The following SCHIP1 variants were observed in gnomAD, a reference collection of about 807,000 sequenced individuals.
SCHIP1 encodes the protein schwannomin interacting protein 1, also known as schwannomin-interacting protein 1.
SCHIP1 carries 8 observed loss-of-function variants against 29.7 expected under a neutral mutation model. The observed-to-expected ratio is 0.27, with a 90% CI of 0.16 to 0.49. The LOEUF (loss-of-function observed/expected upper bound fraction) is 0.49, where lower values mean the gene tolerates loss of function less well. Among genes scored for constraint, SCHIP1 ranks in the 20% least tolerant of loss-of-function variants. The pLI, the probability that SCHIP1 is intolerant of heterozygous loss-of-function variation, is 0.99. For missense variants in SCHIP1, 193 were observed against 294.6 expected, an observed-to-expected ratio of 0.66 and a Z score of 2.52; for synonymous variants, 76 against 94.9, an observed-to-expected ratio of 0.80 and a Z score of 1.16.
the SCHIP1 span, among the ~76,000 whole-genome samples, chr3:159,449,373 G>A: frequency 4.5e-4 from 68 of 152,204 alleles, no homozygotes; most frequent in Non-Finnish European, 7.8e-4. Flanking sequence ...AAGGAATAGC[G>A]TATTTTCTTG....
At chr3:159,626,775 G>C in the SCHIP1 span, among the ~76,000 whole-genome samples, 2 of 152,094 alleles carry the variant, frequency 1.3e-5, no homozygotes, top group Non-Finnish European at 2.9e-5. Context: ...TGAAGAAGCT[G>C]GTCTCCTAGA....
chr3:159,394,614 C>T, the SCHIP1 span, among the ~76,000 whole-genome samples: 11 of 151,962 alleles, frequency 7.2e-5, no homozygotes, highest in African/African-American at 2.2e-4. Context: ...TGCTGGATTA[C>T]ATTTATTGAT....
the SCHIP1 span, among the ~76,000 whole-genome samples, chr3:159,420,361 TG>T: frequency 3.3e-5 from 5 of 152,038 alleles, no homozygotes; most frequent in South Asian, 1.0e-3. Flanking sequence ...AATGGAGCAG[TG>T]GGGAAAATAC....
chr3:159,402,509 T>C, the SCHIP1 span, among the ~76,000 whole-genome samples: 10 of 152,160 alleles, frequency 6.6e-5, no homozygotes, highest in African/African-American at 2.4e-4. Context: ...TTATTCACAA[T>C]AGCAAAGACT....
the SCHIP1 span, among the ~76,000 whole-genome samples, chr3:159,803,656 C>T: frequency 7.9e-5 from 12 of 152,176 alleles, no homozygotes; most frequent in African/African-American, 2.9e-4. Context: ...ACAGACCCTG[C>T]ATGTGGGGGT....
the SCHIP1 span, among the ~76,000 whole-genome samples, chr3:159,326,035 C>T: frequency 6.6e-6 from 1 of 152,060 alleles, no homozygotes; most frequent in Non-Finnish European, 1.5e-5. Flanking sequence ...AATTCCTTTA[C>T]TCATCATAGT....
At chr3:159,719,363 A>G in the SCHIP1 span, among the ~76,000 whole-genome samples, 1 of 152,240 alleles carries the variant, frequency 6.6e-6, no homozygotes, top group Non-Finnish European at 1.5e-5. Context: ...CAATGGCAAC[A>G]GTAGCCAAAA....
the SCHIP1 span, among the ~76,000 whole-genome samples, chr3:159,518,440 T>A: frequency 6.6e-6 from 1 of 152,170 alleles, no homozygotes; most frequent in Non-Finnish European, 1.5e-5. Flanking sequence ...TAATAAAATA[T>A]ATTTTTCACT....
chr3:159,578,782 G>A, the SCHIP1 span, among the ~76,000 whole-genome samples: 1 of 151,842 alleles, frequency 6.6e-6, no homozygotes, highest in African/African-American at 2.4e-5. Context: ...TTCTATTATA[G>A]TATCTCCTTC....
the SCHIP1 span, among the ~76,000 whole-genome samples, chr3:159,718,065 G>T: frequency 6.6e-6 from 1 of 152,198 alleles, no homozygotes; most frequent in Non-Finnish European, 1.5e-5. Flanking sequence ...GGGATGCAAG[G>T]CTGGTTCAAG....
chr3:159,540,555 C>G, the SCHIP1 span, among the ~76,000 whole-genome samples: 3 of 152,054 alleles, frequency 2.0e-5, no homozygotes, highest in Non-Finnish European at 4.4e-5. Context: ...ACACAGATAG[C>G]CTTCAAGTAA....
the SCHIP1 span, among the ~76,000 whole-genome samples, chr3:159,614,035 G>A: frequency 1.6e-4 from 24 of 152,162 alleles, no homozygotes; most frequent in African/African-American, 5.6e-4. Flanking sequence ...TATGGGGTAG[G>A]TGCCATTATT....
chr3:159,299,395 C>A, the SCHIP1 span, among the ~76,000 whole-genome samples: 1 of 152,076 alleles, frequency 6.6e-6, no homozygotes, highest in African/African-American at 2.4e-5. Context: ...ATGGAATTTA[C>A]GACAGACCCA....
the SCHIP1 span, among the ~76,000 whole-genome samples, chr3:159,669,977 T>G: frequency 6.6e-6 from 1 of 152,182 alleles, no homozygotes; most frequent in Non-Finnish European, 1.5e-5. Flanking sequence ...ACAAGCTTCT[T>G]GGTAAGGGGC....
chr3:159,290,703 A>G, the SCHIP1 span, among the ~76,000 whole-genome samples: 2 of 152,076 alleles, frequency 1.3e-5, no homozygotes, highest in Admixed American at 6.6e-5. Flanking sequence ...AATATTATGT[A>G]AGGGAATACA....
At chr3:159,787,094 G>A in the SCHIP1 span, among the ~76,000 whole-genome samples, 3 of 152,080 alleles carry the variant, frequency 2.0e-5, no homozygotes, top group African/African-American at 4.8e-5. Flanking sequence ...AACAAACTTT[G>A]TACCCCTTTT....
chr3:159,292,833 G>A, the SCHIP1 span, among the ~76,000 whole-genome samples: 257 of 152,094 alleles, frequency 1.7e-3, no homozygotes, highest in African/African-American at 6.0e-3. Flanking sequence ...TATTGGCATC[G>A]TACTTTTTTG....
the SCHIP1 span, among the ~76,000 whole-genome samples, chr3:159,361,257 T>G: frequency 6.6e-6 from 1 of 152,252 alleles, no homozygotes; most frequent in African/African-American, 2.4e-5. Context: ...TAATTGGCAG[T>G]GTACATTTTT....
the SCHIP1 span, among the ~76,000 whole-genome samples, chr3:159,636,164 T>G: frequency 6.6e-6 from 1 of 152,210 alleles, no homozygotes; most frequent in East Asian, 1.9e-4. Flanking sequence ...TTCTCCTGCC[T>G]AGCCCCCAGA....
Sources: allele counts gnomAD v4.1 joint callset (sites outside exome capture counted in the v4.1 genomes callset), GRCh38; gene constraint gnomAD v4.1.1; transcripts MANE v1.5; gene names NCBI Gene and HGNC (gene_info 2026-07-23, HGNC 2026-07-21).